RARB: variants seen among roughly 807,000 people sequenced by gnomAD.
RARB encodes HBV-activated protein.
Under a neutral mutation model 51.9 loss-of-function variants are expected in RARB, and 17 were observed. That is an observed-to-expected ratio of 0.33 (90% CI 0.22 to 0.49). The LOEUF (loss-of-function observed/expected upper bound fraction) is 0.49. Among genes scored for constraint, RARB ranks in the 20% least tolerant of loss-of-function variants. The pLI, the probability that RARB is intolerant of heterozygous loss-of-function variation, is 0.99. For synonymous variants in RARB, 215 were observed against 195.4 expected, an observed-to-expected ratio of 1.10 and a Z score of -0.84; for missense variants, 369 against 550.8, an observed-to-expected ratio of 0.67 and a Z score of 3.30.
intron 3 of RARB, among the ~76,000 whole-genome samples, chr3:25,517,230 G>A (rs982225022): frequency 6.6e-6 from 1 of 152,148 alleles, no homozygotes; most frequent in African/African-American, 2.4e-5. Context: ...TTTATCTCTT[G>A]TTGCTGTCTT....
intron 5 of RARB, 144 bp downstream of exon 5, chr3:25,580,866 C>A (rs1015151264): frequency 1.2e-6 from 1 of 828,136 alleles, no homozygotes; most frequent in East Asian, 2.6e-5. Context: ...AGTAGGTGGA[C>A]TCACCTAGCC....
At chr3:25,202,140 ACTT>A in intron 5 of RARB, among the ~76,000 whole-genome samples, 1 of 152,258 alleles carries the variant, frequency 6.6e-6, no homozygotes, top group South Asian at 2.1e-4. Context: ...CAGAGATTCA[ACTT>A]CTTCCTGATT....
chr3:25,385,100 C>T (rs1268838436), intron 5 of RARB, among the ~76,000 whole-genome samples: 1 of 152,180 alleles, frequency 6.6e-6, no homozygotes, highest in East Asian at 1.9e-4. Context: ...CACTTGTCCT[C>T]TCTTTATCAT....
chr3:25,407,402 G>A (rs1707440732), intron 5 of RARB, among the ~76,000 whole-genome samples: 1 of 152,262 alleles, frequency 6.6e-6, no homozygotes, highest in African/African-American at 2.4e-5. Flanking sequence ...TCCTTACCTT[G>A]AATGATGCTA....
chr3:25,249,886 G>A (rs147214625), intron 5 of RARB, among the ~76,000 whole-genome samples: 6 of 152,188 alleles, frequency 3.9e-5, no homozygotes, highest in Admixed American at 6.5e-5. Context: ...GCCCCAGGGC[G>A]GCATATGCTT....
At chr3:24,974,106 T>C (rs1235692102) in intron 2 of RARB, among the ~76,000 whole-genome samples, 1 of 152,238 alleles carries the variant, frequency 6.6e-6, no homozygotes, top group East Asian at 1.9e-4. Flanking sequence ...ATGGCCCTTA[T>C]TATTTTGAGG....
intron 5 of RARB, among the ~76,000 whole-genome samples, chr3:25,343,024 TTGTGTGTGTGTGTG>T (rs6147737): frequency 0.32 from 42,388 of 132,060 alleles, 6,799 homozygotes; most frequent in East Asian, 0.51. Context: ...TGCAAGTACT[TTGTGTGTGTGTGTG>T]TGTGTGTGTG....
chr3:25,513,834 C>A (rs1698026279), intron 3 of RARB, among the ~76,000 whole-genome samples: 1 of 151,990 alleles, frequency 6.6e-6, no homozygotes, highest in African/African-American at 2.4e-5. Flanking sequence ...GAGGGAGAAA[C>A]CAGATATCTG....
chr3:25,513,003 G>T (rs907840296), intron 3 of RARB, among the ~76,000 whole-genome samples: 2 of 151,876 alleles, frequency 1.3e-5, no homozygotes, highest in African/African-American at 4.8e-5. Flanking sequence ...GAAAGCAAAG[G>T]GTACGGCTGG....
At position 25,251,495 on chromosome 3, in the gene RARB, G is replaced by A. The variant is rs112072913; in HGVS notation, c.178+76920G>A. Among the ~76,000 whole-genome samples the A allele has an allele frequency of 7.2e-5, 11 of 152,164 alleles. 1 individual carries two copies. The highest frequency in any genetic ancestry group is 2.6e-4 in the African/African-American group (11 of 41,536). ...TTACATTCTTGTTAGCAGTGTGTGAGCATTCTAATTTCTCCATATCCTCTC... is the reference window on the plus strand; with the variant it reads ...TTACATTCTTGTTAGCAGTGTGTGAACATTCTAATTTCTCCATATCCTCTC... On this transcript the variant is annotated intron_variant, in intron 5 of 11. Coordinates refer to the RARB transcript ENST00000383772.
At chr3:25,089,259 A>T (rs895201609) in intron 3 of RARB, among the ~76,000 whole-genome samples, 2 of 152,084 alleles carry the variant, frequency 1.3e-5, no homozygotes, top group African/African-American at 4.8e-5. Flanking sequence ...GTATTTCAGT[A>T]GCATGCACAG....
intron 5 of RARB, among the ~76,000 whole-genome samples, chr3:25,186,885 CTGTG>C (rs71057702): frequency 0.062 from 7,129 of 114,102 alleles, 180 homozygotes; most frequent in Middle Eastern, 0.12. Context: ...AAAGGTAAGC[CTGTG>C]TGTGTGTGTG....
intron 5 of RARB, among the ~76,000 whole-genome samples, chr3:25,210,700 A>G (rs968546512): frequency 6.6e-6 from 1 of 151,438 alleles, no homozygotes; most frequent in African/African-American, 2.4e-5. Context: ...ATGCCTTGCT[A>G]AGTTTTACAT....
chr3:25,183,126 A>G (rs1381622420), intron 5 of RARB, among the ~76,000 whole-genome samples: 1 of 152,190 alleles, frequency 6.6e-6, no homozygotes, highest in East Asian at 1.9e-4. Flanking sequence ...CTACCGAAAA[A>G]GAAAAAACTA....
intron 5 of RARB, among the ~76,000 whole-genome samples, chr3:25,181,957 C>A (rs903236459): frequency 6.6e-6 from 1 of 152,190 alleles, no homozygotes; most frequent in Admixed American, 6.5e-5. Context: ...CATCTTACCA[C>A]TTCTTTATGC....
At chr3:25,042,001 G>C (rs1170925894) in intron 2 of RARB, among the ~76,000 whole-genome samples, 2 of 152,134 alleles carry the variant, frequency 1.3e-5, no homozygotes, top group East Asian at 1.9e-4. Context: ...CAATCAATGA[G>C]AGAAGGTCCC....
intron 5 of RARB, among the ~76,000 whole-genome samples, chr3:25,263,279 G>T (rs781233369): frequency 6.6e-6 from 1 of 152,036 alleles, no homozygotes; most frequent in Non-Finnish European, 1.5e-5. Context: ...AATTCATTTA[G>T]TCTTTACAAC....
Position 25,593,712 on chromosome 3 carries a change from C to G in RARB, c.991+5C>G, listed in dbSNP as rs1213417526. 1.9e-6 allele frequency: 3 copies of G among 1,611,202 alleles called. No homozygotes were observed. The highest frequency in any genetic ancestry group is 2.5e-6 in the Non-Finnish European group (3 of 1,177,600). ...CCATCTGCTTAATCTGTGGAGGTAC[C>G]AACTATGTAGAAAAGCCTCATGAAA... On this transcript the variant is annotated splice_donor_5th_base_variant and intron_variant, in intron 6 of 7. Transcript: ENST00000330688.
intron 2 of RARB, among the ~76,000 whole-genome samples, chr3:24,923,635 C>G (rs1030405656): frequency 6.6e-6 from 1 of 152,054 alleles, no homozygotes; most frequent in Non-Finnish European, 1.5e-5. Context: ...CACAGAAGCC[C>G]TTTGCTTAGG....
Sources: allele counts gnomAD v4.1 joint callset (sites outside exome capture counted in the v4.1 genomes callset), GRCh38; gene constraint gnomAD v4.1.1; transcripts MANE v1.5; gene names NCBI Gene and HGNC (gene_info 2026-07-23, HGNC 2026-07-21).